SOX30: variants seen among roughly 807,000 people sequenced by gnomAD.
SOX30 encodes transcription factor SOX-30.
In SOX30, 17 loss-of-function variants were observed where a neutral mutation model predicts 58.6. The observed-to-expected ratio is 0.29, with a 90% CI of 0.20 to 0.44. The LOEUF is 0.44. Ranked by LOEUF, SOX30 falls within the 20% of genes least tolerant of loss-of-function variation. The pLI, the probability that SOX30 is intolerant of heterozygous loss-of-function variation, is 1.00. For missense variants in SOX30, 951 were observed against 965.8 expected, an observed-to-expected ratio of 0.98 and a Z score of 0.20; for synonymous variants, 421 against 400.2, an observed-to-expected ratio of 1.05 and a Z score of -0.62.
chr5:157,668,162 G>A (rs1313026984), intron 1 of SOX30, among the ~76,000 whole-genome samples: 4 of 152,184 alleles, frequency 2.6e-5, no homozygotes, highest in Non-Finnish European at 5.9e-5. Context: ...CCCATGTTTG[G>A]AGCCTTCGTT....
At chr5:157,661,163 C>T (rs1469205925) in intron 2 of SOX30, among the ~76,000 whole-genome samples, 14 of 151,708 alleles carry the variant, frequency 9.2e-5, no homozygotes, top group Non-Finnish European at 1.9e-4. Context: ...ACTTTTAGTC[C>T]AAGGTTAAAT....
intron 2 of SOX30, among the ~76,000 whole-genome samples, chr5:157,661,889 C>CCTTTT (rs57974465): frequency 0.51 from 76,602 of 151,506 alleles, 22,572 homozygotes; most frequent in African/African-American, 0.83. Context: ...TAAAGTGTCC[C>CCTTTT]CTTCTATTCT....
intron 1 of SOX30, among the ~76,000 whole-genome samples, 182 bp from the exon 2 acceptor site, chr5:157,649,078 TTC>T (rs577124793): frequency 3.3e-5 from 5 of 152,006 alleles, no homozygotes; most frequent in Non-Finnish European, 7.4e-5. Flanking sequence ...GAACTCATCA[TTC>T]TGAACTGTAG....
At position 157,642,726 on chromosome 5, in the gene SOX30, C is replaced by T. The variant is rs1759098894; in HGVS notation, c.1387+3911G>A. Among the ~76,000 whole-genome samples the T allele has an allele frequency of 2.6e-5, 4 of 152,114 alleles. No homozygotes were observed. In the South Asian group the frequency reaches 8.3e-4, roughly 32 times the overall value. On this transcript the variant is annotated intron_variant, in intron 3 of 4. Coordinates refer to ENST00000265007, the MANE Select transcript of SOX30 (RefSeq NM_178424.2). Reference sequence around the variant, plus strand: ...GCTTGTCCAAATGTACAAATGAGCCCAACTGCGGTGAGGCAAATGCAAAAA... The same window carrying T: ...GCTTGTCCAAATGTACAAATGAGCCTAACTGCGGTGAGGCAAATGCAAAAA...
Position 157,651,876 on chromosome 5 carries a change from C to G in SOX30, c.203G>C (p.Arg68Pro), listed in dbSNP as rs867879637. 1.1e-5 allele frequency: 17 copies of G among 1,554,876 alleles called. No homozygotes were observed. Among genetic ancestry groups the G allele is most frequent in the African/African-American group, 6.8e-5 (5 of 73,864 alleles). The change falls in exon 1 of 5, where the codon CGG (arginine) becomes CCG (proline). Residue 68 changes from arginine (R) to proline (P), a missense_variant. Around this residue, in one of 7 missense-constraint regions of SOX30, gnomAD observed 363 missense variants for 294.5 expected, o/e 1.23. Transcript: ENST00000265007. ...CTCTGGCTTCACCTGCAGCAGCCGC[C>G]GCACCGCGGGCTGTAAGCCGGACGC... ...AVASGLQPAV[R>P]RLLQVKPEQV...
In SOX30 at chr5:157,626,713, G is replaced by C; in HGVS notation, c.1889C>G (p.Pro630Arg). The change falls in exon 5 of 5, where the codon CCT becomes CGT. Residue 630 changes from proline (P) to arginine (R), a missense_variant. Coordinates refer to ENST00000265007, the MANE Select transcript of SOX30 (RefSeq NM_178424.2). Reference sequence around the variant, plus strand: ...ATAGCCAAAGGGAGGCCGACTGTAAGGGCATGTACTGCAGCAGAAAAACAC... The same window carrying C: ...ATAGCCAAAGGGAGGCCGACTGTAACGGCATGTACTGCAGCAGAAAAACAC... Reference protein sequence around the residue: ...GPHYFPSSTCPYSRPPFGYGN... With the variant: ...GPHYFPSSTCRYSRPPFGYGN... The C allele has an allele frequency of 6.3e-7, 1 of 1,598,390 alleles. No homozygotes were observed. The highest frequency in any genetic ancestry group is 1.7e-4 in the Middle Eastern group (1 of 5,944).
intron 4 of SOX30, among the ~76,000 whole-genome samples, chr5:157,629,005 T>A (rs1758726591): frequency 6.6e-6 from 1 of 152,160 alleles, no homozygotes; most frequent in Admixed American, 6.5e-5. Context: ...TCCATTGAAT[T>A]CCACAGATAA....
At chr5:157,642,521 C>G (rs1021884381) in intron 3 of SOX30, among the ~76,000 whole-genome samples, 2 of 151,562 alleles carry the variant, frequency 1.3e-5, no homozygotes, top group African/African-American at 2.4e-5. Context: ...GGGAAAAAGG[C>G]TGATAGAGAT....
At chr5:157,655,471 G>T (rs1759453748), upstream of SOX30, among the ~76,000 whole-genome samples, 1 of 152,196 alleles carries the variant, frequency 6.6e-6, no homozygotes, top group Non-Finnish European at 1.5e-5. Flanking sequence ...TGGCACTACG[G>T]TATGTTAACT....
intron 4 of SOX30, among the ~76,000 whole-genome samples, chr5:157,634,382 T>A (rs2113835772): frequency 6.6e-6 from 1 of 152,036 alleles, no homozygotes; most frequent in Admixed American, 6.6e-5. Context: ...ACCAGCTAAT[T>A]AAAAAAATTT....
chr5:157,638,191 C>G (rs760340120), intron 4 of SOX30, 39 bp downstream of exon 4: 1 of 1,497,096 alleles, frequency 6.7e-7, no homozygotes, highest in Non-Finnish European at 8.9e-7. Flanking sequence ...AACTCATTAG[C>G]TGAATGTTTA....
intron 1 of SOX30, among the ~76,000 whole-genome samples, chr5:157,670,023 G>A (rs147692831): frequency 6.6e-6 from 1 of 152,350 alleles, no homozygotes; most frequent in Non-Finnish European, 1.5e-5. Flanking sequence ...AAAGCCTCCT[G>A]AACCCAGGTG....
At chr5:157,655,811 A>G (rs551804663), upstream of SOX30, among the ~76,000 whole-genome samples, 1 of 152,344 alleles carries the variant, frequency 6.6e-6, no homozygotes, top group East Asian at 1.9e-4. Context: ...GTTTTGATTA[A>G]TGGAAGAAAG....
At chr5:157,670,308 T>C (rs966523499) in intron 1 of SOX30, among the ~76,000 whole-genome samples, 1 of 152,178 alleles carries the variant, frequency 6.6e-6, no homozygotes, top group Non-Finnish European at 1.5e-5. Context: ...GGCCCCTTTT[T>C]TCAGAGCTCA....
chr5:157,630,544 ATC>A (rs1940536650), intron 4 of SOX30, among the ~76,000 whole-genome samples: 1 of 152,024 alleles, frequency 6.6e-6, no homozygotes, highest in African/African-American at 2.4e-5. Flanking sequence ...GGTCATTGAA[ATC>A]TCTGTTCAAT....
intron 3 of SOX30, among the ~76,000 whole-genome samples, chr5:157,642,171 C>A (rs1759080050): frequency 6.6e-6 from 1 of 151,996 alleles, no homozygotes; most frequent in Admixed American, 6.6e-5. Context: ...CAAAAATTAG[C>A]CAGGCGTGGT....
chr5:157,648,976 G>T, intron 1 of SOX30, 80 bp from the exon 2 acceptor site: 4 of 1,478,862 alleles, frequency 2.7e-6, no homozygotes, highest in South Asian at 2.9e-5. Context: ...GTGCACCTCC[G>T]TCTATACTTA....
Position 157,651,321 on chromosome 5 carries a change from G to A in SOX30, c.758C>T (p.Pro253Leu), listed in dbSNP as rs1759328367. 6.2e-7 allele frequency: 1 copy of A among 1,614,072 alleles called. No individual in the cohort carries two copies. The highest frequency in any genetic ancestry group is 8.5e-7 in the Non-Finnish European group (1 of 1,180,030). Reference protein sequence around the residue: ...ILAPTSGAFGPHQQDLRIPLT... With the variant: ...ILAPTSGAFGLHQQDLRIPLT... ...AGGGATCCTAAGGTCTTGCTGGTGC[G>A]GCCCAAAGGCACCGGACGTTGGGGC... is the stretch of plus-strand genomic sequence containing the variant. The change falls in exon 1 of 5, where the codon CCG (proline) becomes CTG (leucine). Residue 253 changes from proline to leucine, a missense_variant. Transcript: ENST00000265007.
At chr5:157,637,795 G>C (rs1758965982) in intron 4 of SOX30, among the ~76,000 whole-genome samples, 1 of 152,022 alleles carries the variant, frequency 6.6e-6, no homozygotes, top group Non-Finnish European at 1.5e-5. Flanking sequence ...CCAGGTTCAA[G>C]TGATTCCCCT....
Sources: gnomAD v4.1 joint callset for allele counts (sites outside exome capture counted in the v4.1 genomes callset) on GRCh38, gnomAD v4.1.1 for gene constraint, gnomAD v4.1.1 regional missense constraint, MANE v1.5 for transcripts, NCBI Gene and HGNC (gene_info 2026-07-23, HGNC 2026-07-21) for gene names.